Variants in SLC6A18 observed in about 807,000 individuals in gnomAD.
The protein encoded by SLC6A18 is solute carrier family 6 member 18.
Under a neutral mutation model 62.9 loss-of-function variants are expected in SLC6A18, and 58 were observed. The ratio of observed to expected loss-of-function variants is 0.92; its 90% CI spans 0.75 to 1.15. The LOEUF is 1.15. Among genes scored for constraint, SLC6A18 ranks in the 50% most tolerant of loss-of-function variants. SLC6A18 has a pLI of 0.00. For missense variants in SLC6A18, 793 were observed against 836.6 expected (o/e 0.95, Z 0.64); for synonymous variants, 382 against 365.8 (o/e 1.04, Z -0.51).
intron 11 of SLC6A18, among the ~76,000 whole-genome samples, 180 bp from the exon 12 acceptor site, chr5:1,245,668 T>C (rs1427148131): frequency 1.3e-5 from 2 of 152,204 alleles, no homozygotes; most frequent in African/African-American, 4.8e-5. Flanking sequence ...CCCAAACTCC[T>C]GGCCCGGAGG....
intron 10 of SLC6A18, 91 bp downstream of exon 10, chr5:1,244,464 C>A: frequency 6.4e-7 from 1 of 1,566,956 alleles, no homozygotes; most frequent in South Asian, 1.2e-5. Context: ...CGCAGCTGCC[C>A]AGACCGCCGA....
chr5:1,226,958 C>T (rs1450076491), intron 1 of SLC6A18, among the ~76,000 whole-genome samples: 8 of 70,474 alleles, frequency 1.1e-4, no homozygotes, highest in African/African-American at 3.1e-4. Flanking sequence ...CCTTGCCCAA[C>T]GCCTTGCCCA....
chr5:1,232,033 G>A (rs1050347906), intron 1 of SLC6A18, among the ~76,000 whole-genome samples, 186 bp from the exon 2 acceptor site: 3 of 152,204 alleles, frequency 2.0e-5, no homozygotes, highest in Admixed American at 6.5e-5. Context: ...CAGCAACCGA[G>A]CCAAAATCAG....
chr5:1,232,737 G>A lies in SLC6A18; in HGVS notation c.302-14G>A. 1.9e-6 allele frequency: 3 copies of A among 1,604,714 alleles called. No homozygotes were observed. Among genetic ancestry groups the A allele is most frequent in the Admixed American group, 1.7e-5 (1 of 58,870 alleles). Reference sequence around the variant, plus strand: ...AGGAGCCCCGGGGCCACCTGACATGGTCCCTGTCCACAGGGCTGGGCTGTG... The same window carrying A: ...AGGAGCCCCGGGGCCACCTGACATGATCCCTGTCCACAGGGCTGGGCTGTG... On this transcript the variant is annotated splice_polypyrimidine_tract_variant and intron_variant, in intron 2 of 11. Transcript: ENST00000324642.
intron 3 of SLC6A18, 117 bp downstream of exon 3, chr5:1,233,005 C>A: frequency 7.0e-7 from 1 of 1,433,820 alleles, no homozygotes; most frequent in Non-Finnish European, 9.3e-7. Context: ...GGGGGAGGGC[C>A]GGGGAACCGG....
At position 1,225,393 on chromosome 5, in the gene SLC6A18, T is replaced by C; in HGVS notation, c.-85T>C. The C allele has an allele frequency of 7.1e-7, 1 of 1,412,568 alleles. No homozygotes were observed. The highest frequency in any genetic ancestry group is 9.4e-7 in the Non-Finnish European group (1 of 1,060,308). 87.5% of individuals were successfully genotyped at this position (1,412,568 alleles called of 1,614,324 possible). On this transcript the variant is annotated 5_prime_UTR_variant, in exon 1 of 12. Transcript: ENST00000324642. Reference sequence around the variant, plus strand: ...TGGGGCTGCTTGTGGTTTCCAAACGTCGGCAGAGGCTGGAGACGGCTCTCT... The same window carrying C: ...TGGGGCTGCTTGTGGTTTCCAAACGCCGGCAGAGGCTGGAGACGGCTCTCT...
At chr5:1,240,685 C>T (rs1468640117) in intron 7 of SLC6A18, 26 bp downstream of exon 7, 2 of 1,611,538 alleles carry the variant, frequency 1.2e-6, no homozygotes, top group African/African-American at 1.3e-5. Flanking sequence ...GCGCCTGGCT[C>T]TGTGGGGCAC....
Position 1,232,257 on chromosome 5 carries a change from G to C in SLC6A18, c.199G>C (p.Glu67Gln). 1.2e-6 allele frequency: 2 copies of C among 1,612,920 alleles called. No individual in the cohort carries two copies. The highest frequency in any genetic ancestry group is 8.5e-7 in the Non-Finnish European group (1 of 1,179,842). ...CCCCTACGTCATCGCGCTGGTCTTC[G>C]AGGGGATCCCCATTTTCCACGTCGA... ...LIPYVIALVFEGIPIFHVELA... is the reference protein window; with the variant it reads ...LIPYVIALVFQGIPIFHVELA... The change falls in exon 2 of 12, where the codon GAG (glutamate) becomes CAG (glutamine). Residue 67 changes from glutamate to glutamine, a missense_variant. Transcript: ENST00000324642.
chr5:1,243,433 C>A lies in SLC6A18; in HGVS notation c.1132-122C>A. 8.7e-7 allele frequency: 1 copy of A among 1,153,066 alleles called. No individual in the cohort carries two copies. Among genetic ancestry groups the A allele is most frequent in the Non-Finnish European group, 1.2e-6 (1 of 803,940 alleles). The allele number at this position is 1,153,066 out of a possible 1,614,324, so 71.4% of individuals were successfully genotyped here. Reference sequence around the variant, plus strand: ...GCCCTGAGCCACCTCAGCCCGACACCAGGAGGGGTGATGTGCACTCGTGTC... The same window carrying A: ...GCCCTGAGCCACCTCAGCCCGACACAAGGAGGGGTGATGTGCACTCGTGTC... On this transcript the variant is annotated intron_variant, in intron 8 of 11. Coordinates refer to ENST00000324642, the MANE Select transcript of SLC6A18 (RefSeq NM_182632.3). The surrounding 1 kb of genome is among the most constrained non-coding windows in gnomAD (Gnocchi z 6.5).
At chr5:1,242,339 GA>G (rs1747084681) in intron 7 of SLC6A18, among the ~76,000 whole-genome samples, 1 of 152,056 alleles carries the variant, frequency 6.6e-6, no homozygotes, top group Non-Finnish European at 1.5e-5. Flanking sequence ...ACGTCCACAC[GA>G]TCCCAACAGG....
chr5:1,243,546 G>T lies in SLC6A18; in HGVS notation c.1132-9G>T, dbSNP rs1000921862. 6.2e-7 allele frequency: 1 copy of T among 1,612,772 alleles called. No individual in the cohort carries two copies. ...CGTGGCCTGAAGCCCGGGGCTCCGT[G>T]TATTGCAGAGTGCCTCGGGCCCGGG... On this transcript the variant is annotated splice_polypyrimidine_tract_variant and intron_variant, in intron 8 of 11. Transcript: ENST00000324642. The surrounding 1 kb of genome is among the most constrained non-coding windows in gnomAD (Gnocchi z 6.5).
chr5:1,232,936 G>T (rs373466961), intron 3 of SLC6A18, 48 bp downstream of exon 3: 1 of 1,567,678 alleles, frequency 6.4e-7, no homozygotes. Context: ...GGCCGAGAGA[G>T]GCATGTGCTG....
intron 3 of SLC6A18, 37 bp downstream of exon 3, chr5:1,232,925 C>G (rs1008975490): frequency 2.5e-6 from 4 of 1,582,420 alleles, no homozygotes; most frequent in Non-Finnish European, 3.4e-6. Context: ...GGTCCGTGCA[C>G]GGCCGAGAGA....
chr5:1,229,150 T>C (rs575120009), intron 1 of SLC6A18, among the ~76,000 whole-genome samples: 15 of 152,288 alleles, frequency 9.8e-5, no homozygotes, highest in African/African-American at 3.6e-4. Context: ...ACGGCTTTAA[T>C]GCAGCCGCTG....
rs547701049 is a variant in SLC6A18 at position 1,233,805 on chromosome 5, T to A, written c.439+917T>A. On this transcript the variant is annotated intron_variant, in intron 3 of 11. Coordinates refer to ENST00000324642, the MANE Select transcript of SLC6A18 (RefSeq NM_182632.3). ...CGCCCAGGCTGGAGTGCAGTGGTGC[T>A]ATCTTGGCTCACTGCAAGCTCTGCC... Among the ~76,000 whole-genome samples, 151 of 150,812 alleles carry A rather than the reference T, an allele frequency of 1.0e-3. 1 individual carries two copies. Among genetic ancestry groups the A allele is most frequent in the Middle Eastern group, 3.5e-3 (1 of 288 alleles).
Position 1,232,230 on chromosome 5 carries a change from AT to A in SLC6A18, c.173del (p.Ile58ThrfsTer43). On this transcript the variant is annotated frameshift_variant, in exon 2 of 12. Coordinates refer to ENST00000324642, the MANE Select transcript of SLC6A18 (RefSeq NM_182632.3). LOFTEE classifies it high-confidence loss of function. ...CQTYGGGAFLIPYVIALVFEG... is the reference protein window; with the variant it reads ...CQTYGGGAFLXPYVIALVFEG... ...CCCCCTCCTCACAGGGGCCTTCCTC[AT>A]CCCCTACGTCATCGCGCTGGTCTTC... 6.2e-7 allele frequency: 1 copy of A among 1,611,466 alleles called. No individual in the cohort carries two copies. Among genetic ancestry groups the A allele is most frequent in the Non-Finnish European group, 8.5e-7 (1 of 1,179,206 alleles).
chr5:1,244,806 C>T, intron 11 of SLC6A18, 39 bp downstream of exon 11: 1 of 1,567,996 alleles, frequency 6.4e-7, no homozygotes, highest in East Asian at 2.3e-5. Flanking sequence ...GTCCTGGGAC[C>T]CCTCGGGCTT....
intron 5 of SLC6A18, 91 bp from the exon 6 acceptor site, chr5:1,239,354 TCCCCA>T: frequency 1.2e-6 from 1 of 869,460 alleles, no homozygotes; most frequent in Non-Finnish European, 1.9e-6. Flanking sequence ...CTCACGAGTG[TCCCCA>T]AAGCCACCTT....
Position 1,239,479 on chromosome 5 carries a change from G to T in SLC6A18, c.762G>T (p.Trp254Cys). The T allele has an allele frequency of 6.2e-7, 1 of 1,614,142 alleles. No homozygotes were observed. The highest frequency in any genetic ancestry group is 8.5e-7 in the Non-Finnish European group (1 of 1,179,992). The change falls in exon 6 of 12, where the codon TGG (tryptophan) becomes TGT (cysteine). Residue 254 changes from tryptophan (W) to cysteine (C), a missense_variant. Transcript: ENST00000324642. Reference protein sequence around the residue: ...NMHILQNPRVWLDAATQIFFS... With the variant: ...NMHILQNPRVCLDAATQIFFS... ...ACATTCTCCAGAACCCCCGGGTGTG[G>T]CTGGACGCAGCCACCCAGATATTCT...
Sources: gnomAD v4.1 joint callset for allele counts (sites outside exome capture counted in the v4.1 genomes callset) on GRCh38, gnomAD v4.1.1 for gene constraint, Gnocchi (gnomAD v3.1) non-coding constraint, MANE v1.5 for transcripts, NCBI Gene and HGNC (gene_info 2026-07-23, HGNC 2026-07-21) for gene names.